The following CACNA1C variants were observed in gnomAD, a reference collection of about 807,000 sequenced individuals.
The protein encoded by CACNA1C is voltage-dependent L-type calcium channel subunit alpha-1C.
A neutral mutation model predicts 229.0 loss-of-function variants in CACNA1C; 30 were observed. The observed-to-expected ratio is 0.13, with a 90% CI of 0.10 to 0.18. The LOEUF is 0.18. Ranked by LOEUF, CACNA1C falls within the 10% of genes least tolerant of loss-of-function variation. CACNA1C has a pLI of 1.00. For missense variants in CACNA1C, 1,658 were observed against 2,845.0 expected (o/e 0.58, Z 9.49); for synonymous variants, 1,114 against 1,132.5 (o/e 0.98, Z 0.33).
At position 2,486,053 on chromosome 12, in the gene CACNA1C, A is replaced by G. The variant is rs2099696065; in HGVS notation, c.758-51A>G. On this transcript the variant is annotated intron_variant, in intron 5 of 46. Coordinates refer to ENST00000399655, the MANE Select transcript of CACNA1C (RefSeq NM_000719.7). The surrounding 1 kb of genome is among the most constrained non-coding windows in gnomAD (Gnocchi z 4.9). ...CTGGAAGATTGCATGAGATGGCGTC[A>G]GCACGGTACCGCGGTGATGCTTGGT... The G allele has an allele frequency of 1.4e-6, 2 of 1,464,720 alleles. No homozygotes were observed. Among genetic ancestry groups the G allele is most frequent in the East Asian group, 4.8e-5 (2 of 42,026 alleles). 90.7% of individuals were successfully genotyped at this position (1,464,720 alleles called of 1,614,324 possible).
At chr12:2,127,289 G>A (rs887442259) in intron 3 of CACNA1C, among the ~76,000 whole-genome samples, 7 of 152,152 alleles carry the variant, frequency 4.6e-5, no homozygotes, top group Non-Finnish European at 1.0e-4. Flanking sequence ...CGCCCCCCGT[G>A]CTTTGAGAAG....
At chr12:2,421,235 T>C (rs1036099849) in intron 3 of CACNA1C, among the ~76,000 whole-genome samples, 1 of 152,232 alleles carries the variant, frequency 6.6e-6, no homozygotes, top group African/African-American at 2.4e-5. Flanking sequence ...TTTGCAACTA[T>C]TTTGCTAGGA....
chr12:2,234,436 T>G (rs1330628746), intron 3 of CACNA1C, among the ~76,000 whole-genome samples: 1 of 152,212 alleles, frequency 6.6e-6, no homozygotes, highest in Non-Finnish European at 1.5e-5. Flanking sequence ...ATGGGTCACC[T>G]GCATGTGCCT....
rs1195075174 is a variant in CACNA1C, at chr12:2,275,991, T to C, written c.477+155561T>C. On this transcript the variant is annotated intron_variant, in intron 3 of 46. Transcript: ENST00000399655. The surrounding 1 kb of genome is among the most constrained non-coding windows in gnomAD (Gnocchi z 4.1). ...ACCCAAGGATGCCCATGTCCTTTTA[T>C]GTATGTAGATTATATGCACATACTA... is the stretch of plus-strand genomic sequence containing the variant. Among the ~76,000 whole-genome samples, 1 of 152,268 alleles carries C rather than the reference T, an allele frequency of 6.6e-6. No individual in the cohort carries two copies. Among genetic ancestry groups the C allele is most frequent in the Non-Finnish European group, 1.5e-5 (1 of 68,050 alleles).
chr12:2,000,147 C>T (rs1471854013), intron 1 of CACNA1C, among the ~76,000 whole-genome samples: 2 of 152,162 alleles, frequency 1.3e-5, no homozygotes, highest in Non-Finnish European at 2.9e-5. Context: ...TAAAGTTTAA[C>T]TGATTCAGTC....
chr12:2,223,614 G>T (rs1437061927), intron 3 of CACNA1C: 2 of 152,172 alleles, frequency 1.3e-5, no homozygotes, highest in African/African-American at 4.8e-5. Flanking sequence ...AGGCCATAAA[G>T]CTACAGAGGT....
chr12:2,182,225 T>C (rs1437166660), intron 3 of CACNA1C, among the ~76,000 whole-genome samples: 1 of 151,270 alleles, frequency 6.6e-6, no homozygotes, highest in Non-Finnish European at 1.5e-5. Flanking sequence ...CACCATAAAA[T>C]TGTGTGAGCA....
intron 8 of CACNA1C, among the ~76,000 whole-genome samples, chr12:2,505,290 C>G (rs151028221): frequency 0.011 from 1,719 of 152,278 alleles, 18 homozygotes; most frequent in Middle Eastern, 0.017. Context: ...AAAACATAAA[C>G]AAAGACAGAC....
At position 2,512,558 on chromosome 12, in the gene CACNA1C, C is replaced by T. The variant is rs2099786986; in HGVS notation, c.1218-254C>T. Among the ~76,000 whole-genome samples, 1 of 152,090 alleles carries T rather than the reference C, an allele frequency of 6.6e-6. No individual in the cohort carries two copies. The highest frequency in any genetic ancestry group is 1.5e-5 in the Non-Finnish European group (1 of 68,020). On this transcript the variant is annotated intron_variant, in intron 8 of 46. Coordinates refer to ENST00000399655, the MANE Select transcript of CACNA1C (RefSeq NM_000719.7). The surrounding 1 kb of genome is among the most constrained non-coding windows in gnomAD (Gnocchi z 4.3). ...AGAGGGAGATGGACTTCATCCATCC[C>T]CTTAAGCCTCTCCTGGCCAGTGTCA...
chr12:2,292,945 T>C (rs182734613), intron 3 of CACNA1C, among the ~76,000 whole-genome samples: 1 of 151,758 alleles, frequency 6.6e-6, no homozygotes, highest in East Asian at 1.9e-4. Context: ...TTTTTTTTTT[T>C]TCTGGTGTAT....
At position 2,376,020 on chromosome 12, in the gene CACNA1C, G is replaced by A. The variant is rs115230334; in HGVS notation, c.478-72956G>A. Among the ~76,000 whole-genome samples the A allele has an allele frequency of 7.4e-3, 1,124 of 152,348 alleles. 11 individuals carry two copies. The highest frequency in any genetic ancestry group is 0.026 in the African/African-American group (1,082 of 41,578). On this transcript the variant is annotated intron_variant, in intron 3 of 46. Transcript: ENST00000399655. ...CAAGCAAATCAAAACAGGGGAAGAG[G>A]ACAAGCAGGGCCCCAGGCAGTTTGG...
At position 2,602,688 on chromosome 12, in the gene CACNA1C, G is replaced by A. The variant is rs546667832; in HGVS notation, c.2960+728G>A. ...TGTGTGTGAGTTTTTCATTTCACTG[G>A]TCTGGGGTACAGTCTGGGTGTGAGT... On this transcript the variant is annotated intron_variant, in intron 22 of 46. Transcript: ENST00000399655. The surrounding 1 kb of genome is among the most constrained non-coding windows in gnomAD (Gnocchi z 4.4). Among the ~76,000 whole-genome samples, 57 of 151,382 alleles carry A rather than the reference G, an allele frequency of 3.8e-4. No homozygotes were observed. Among genetic ancestry groups the A allele is most frequent in the African/African-American group, 1.3e-3 (55 of 41,164 alleles).
chr12:2,607,608 A>G (rs2075918360), intron 26 of CACNA1C, among the ~76,000 whole-genome samples: 1 of 152,238 alleles, frequency 6.6e-6, no homozygotes, highest in African/African-American at 2.4e-5. Context: ...TACAGTGGAA[A>G]GTAGGAAAGG....
intron 3 of CACNA1C, among the ~76,000 whole-genome samples, chr12:2,293,616 T>G (rs2093723098): frequency 6.6e-6 from 1 of 152,236 alleles, no homozygotes; most frequent in Non-Finnish European, 1.5e-5. Context: ...GTATTTTATG[T>G]ATGGCCCAAG....
At chr12:2,515,592 A>C (rs571640476) in intron 9 of CACNA1C, among the ~76,000 whole-genome samples, 1 of 152,358 alleles carries the variant, frequency 6.6e-6, no homozygotes, top group African/African-American at 2.4e-5. Context: ...ATCACTCTTC[A>C]TCAGCAGCTG....
rs954894192 is a variant in CACNA1C, at chr12:2,493,592, A to C, written c.1113+206A>C. ...TTCACCCTAACGAGTCCCCTCCCCCACCCGCCAGCCTTAGGGGAAGGTCAT... is the reference window on the plus strand; with the variant it reads ...TTCACCCTAACGAGTCCCCTCCCCCCCCCGCCAGCCTTAGGGGAAGGTCAT... On this transcript the variant is annotated intron_variant, in intron 7 of 46. Transcript: ENST00000399655. The surrounding 1 kb of genome is among the most constrained non-coding windows in gnomAD (Gnocchi z 4.6). Among the ~76,000 whole-genome samples the C allele has an allele frequency of 2.0e-5, 3 of 151,676 alleles. No individual in the cohort carries two copies. Among genetic ancestry groups the C allele is most frequent in the Non-Finnish European group, 4.4e-5 (3 of 67,940 alleles).
chr12:2,337,555 T>G lies in CACNA1C; in HGVS notation c.478-111421T>G, dbSNP rs191944614. On this transcript the variant is annotated intron_variant, in intron 3 of 46. Coordinates refer to ENST00000399655, the MANE Select transcript of CACNA1C (RefSeq NM_000719.7). Reference sequence around the variant, plus strand: ...TCTTCCCTAAATAACAAAGTCCTGTTTGGTATTTGGTGAAATGTTTGGAGT... The same window carrying G: ...TCTTCCCTAAATAACAAAGTCCTGTGTGGTATTTGGTGAAATGTTTGGAGT... Among the ~76,000 whole-genome samples, 144 of 152,360 alleles carry G rather than the reference T, an allele frequency of 9.5e-4. 5 individuals are homozygous for G. Among genetic ancestry groups the G allele is most frequent in the Admixed American group, 9.2e-3 (141 of 15,306 alleles).
At chr12:2,202,435 G>A (rs2097607228) in intron 3 of CACNA1C, among the ~76,000 whole-genome samples, 2 of 152,234 alleles carry the variant, frequency 1.3e-5, no homozygotes, top group African/African-American at 4.8e-5. Context: ...ACCAGAACTG[G>A]AGAACTAAGT....
intron 3 of CACNA1C, among the ~76,000 whole-genome samples, chr12:2,426,986 G>A (rs754021295): frequency 6.6e-6 from 1 of 152,242 alleles, no homozygotes; most frequent in Non-Finnish European, 1.5e-5. Flanking sequence ...TCAGATTGAA[G>A]AGATGAGGAA....
Sources: gnomAD v4.1 joint callset for allele counts (sites outside exome capture counted in the v4.1 genomes callset) on GRCh38, gnomAD v4.1.1 for gene constraint, Gnocchi (gnomAD v3.1) non-coding constraint, MANE v1.5 for transcripts, NCBI Gene and HGNC (gene_info 2026-07-23, HGNC 2026-07-21) for gene names.